EXOC4: variants seen among roughly 807,000 people sequenced by gnomAD.
The protein encoded by EXOC4 is SEC8-like 1.
Under a neutral mutation model 107.2 loss-of-function variants are expected in EXOC4, and 71 were observed. The ratio of observed to expected loss-of-function variants is 0.66; its 90% CI spans 0.55 to 0.81. EXOC4 has a LOEUF of 0.81. Among genes scored for constraint, EXOC4 ranks in the 30% least tolerant of loss-of-function variants. EXOC4 has a pLI of 0.00. For synonymous variants in EXOC4, 456 were observed against 441.2 expected, an observed-to-expected ratio of 1.03 and a Z score of -0.42; for missense variants, 1,108 against 1,189.6, an observed-to-expected ratio of 0.93 and a Z score of 1.01.
chr7:133,804,846 T>C (rs540559359), intron 10 of EXOC4, among the ~76,000 whole-genome samples: 4 of 152,326 alleles, frequency 2.6e-5, no homozygotes, highest in Admixed American at 2.6e-4. Flanking sequence ...AACTTTCTTT[T>C]TTTCCTTTCA....
chr7:133,436,643 C>T (rs548587283), intron 7 of EXOC4, among the ~76,000 whole-genome samples: 1 of 152,184 alleles, frequency 6.6e-6, no homozygotes, highest in East Asian at 1.9e-4. Flanking sequence ...AATAATCAGC[C>T]TCTTTAAGTA....
chr7:133,797,426 A>T (rs1796840346), intron 10 of EXOC4, among the ~76,000 whole-genome samples: 1 of 152,216 alleles, frequency 6.6e-6, no homozygotes, highest in Non-Finnish European at 1.5e-5. Flanking sequence ...AGGTGTGATT[A>T]TCAAAGATCA....
chr7:133,334,532 A>T (rs1220530538), intron 5 of EXOC4, among the ~76,000 whole-genome samples: 2 of 152,168 alleles, frequency 1.3e-5, no homozygotes, highest in African/African-American at 4.8e-5. Context: ...TTGATTTATC[A>T]TAGGTCAACC....
chr7:133,901,414 A>G (rs1266044159), intron 12 of EXOC4, among the ~76,000 whole-genome samples: 5 of 152,136 alleles, frequency 3.3e-5, no homozygotes, highest in South Asian at 2.1e-4. Context: ...TTAGTGCCTC[A>G]GGAGTTCATA....
chr7:133,940,260 A>T lies in EXOC4; in HGVS notation c.2206+2191A>T, dbSNP rs996630920. 3.9e-5 allele frequency among the ~76,000 whole-genome samples: 6 copies of T among 152,226 alleles called. No individual in the cohort carries two copies. The East Asian group carries it at 9.6e-4, about 24-fold the overall frequency. ...ATCAACTGTTTTCAAAAGGAGAAAG[A>T]TGCATTCTGAGTTATGCTTAACTTT... On this transcript the variant is annotated intron_variant, in intron 14 of 17. Transcript: ENST00000253861.
intron 10 of EXOC4, among the ~76,000 whole-genome samples, chr7:133,666,921 C>CA (rs1220691197): frequency 2.6e-5 from 4 of 152,146 alleles, no homozygotes; most frequent in African/African-American, 7.2e-5. Flanking sequence ...GGTGCAAGTA[C>CA]AGATTCTTAC....
intron 11 of EXOC4, among the ~76,000 whole-genome samples, chr7:133,854,408 G>GCGCACA (rs149648016): frequency 8.8e-4 from 123 of 139,568 alleles, no homozygotes; most frequent in African/African-American, 3.1e-3. Context: ...TGTTGAAAGA[G>GCGCACA]CACACACACA....
At chr7:133,278,077 G>C (rs888624050) in intron 2 of EXOC4, among the ~76,000 whole-genome samples, 2 of 152,094 alleles carry the variant, frequency 1.3e-5, no homozygotes, top group Non-Finnish European at 2.9e-5. Flanking sequence ...AATATCTGTT[G>C]AGTGCCCGCT....
intron 9 of EXOC4, among the ~76,000 whole-genome samples, chr7:133,623,455 GT>G (rs1324714213): frequency 6.6e-6 from 1 of 152,028 alleles, no homozygotes; most frequent in African/African-American, 2.4e-5. Flanking sequence ...ATTCTTTCTC[GT>G]TTTTTGTTTG....
chr7:133,709,419 C>T (rs1047315346), intron 10 of EXOC4, among the ~76,000 whole-genome samples: 4 of 152,188 alleles, frequency 2.6e-5, no homozygotes, highest in African/African-American at 7.2e-5. Flanking sequence ...TCTGCCCCAG[C>T]AGGTGAGAGT....
intron 1 of EXOC4, among the ~76,000 whole-genome samples, chr7:133,265,158 A>G (rs1238264505): frequency 1.3e-5 from 2 of 152,230 alleles, no homozygotes; most frequent in African/African-American, 2.4e-5. Context: ...TGGAAAGATC[A>G]GTAAGCTAAT....
intron 9 of EXOC4, among the ~76,000 whole-genome samples, chr7:133,567,823 T>G (rs1332948103): frequency 6.6e-6 from 1 of 152,202 alleles, no homozygotes; most frequent in Non-Finnish European, 1.5e-5. Flanking sequence ...AGCTCACTCC[T>G]GTGATAACTA....
chr7:133,999,728 T>C (rs1392714389), intron 15 of EXOC4, among the ~76,000 whole-genome samples: 1 of 152,206 alleles, frequency 6.6e-6, no homozygotes, highest in Non-Finnish European at 1.5e-5. Context: ...GAATTTATAC[T>C]ATTGATCGTG....
At chr7:134,044,925 G>A (rs1170319537) in intron 17 of EXOC4, among the ~76,000 whole-genome samples, 1 of 152,208 alleles carries the variant, frequency 6.6e-6, no homozygotes, top group Non-Finnish European at 1.5e-5. Context: ...CTGGAATGAT[G>A]TGTGGGAGGT....
intron 11 of EXOC4, among the ~76,000 whole-genome samples, chr7:133,826,539 A>G (rs1034860337): frequency 6.6e-6 from 1 of 152,164 alleles, no homozygotes; most frequent in African/African-American, 2.4e-5. Flanking sequence ...TAGGATGAGA[A>G]GTACTATGGT....
intron 7 of EXOC4, among the ~76,000 whole-genome samples, chr7:133,464,806 GGTTGGTTTTTT>G (rs1798680935): frequency 3.7e-5 from 1 of 27,144 alleles, no homozygotes; most frequent in Admixed American, 4.6e-4. Flanking sequence ...TTGTTGGTTG[GGTTGGTTTTTT>G]TTTTTTTTTT....
the EXOC4 span, among the ~76,000 whole-genome samples, chr7:134,081,300 G>A: frequency 6.6e-5 from 10 of 152,064 alleles, no homozygotes; most frequent in Non-Finnish European, 1.0e-4. Flanking sequence ...CTGAGATTGC[G>A]CCACTGCACT....
intron 10 of EXOC4, among the ~76,000 whole-genome samples, chr7:133,789,678 C>T (rs1217370120): frequency 6.6e-6 from 1 of 152,126 alleles, no homozygotes; most frequent in Non-Finnish European, 1.5e-5. Context: ...ATAATAATTG[C>T]AGGTTTACTA....
At chr7:133,851,530 C>CATCT (rs1290255356) in intron 11 of EXOC4, among the ~76,000 whole-genome samples, 29 of 152,120 alleles carry the variant, frequency 1.9e-4, no homozygotes, top group Non-Finnish European at 2.5e-4. Flanking sequence ...TCAGAAGGTG[C>CATCT]CATTTGAGCT....
Sources: gnomAD v4.1 joint callset for allele counts (sites outside exome capture counted in the v4.1 genomes callset) on GRCh38, gnomAD v4.1.1 for gene constraint, MANE v1.5 for transcripts, NCBI Gene and HGNC (gene_info 2026-07-23, HGNC 2026-07-21) for gene names.